ROBO2: variants seen among roughly 807,000 people sequenced by gnomAD.
The protein encoded by ROBO2 is roundabout guidance receptor 2.
A neutral mutation model predicts 160.8 loss-of-function variants in ROBO2; 53 were observed. That is an observed-to-expected ratio of 0.33 (90% CI 0.26 to 0.41). ROBO2 has a LOEUF of 0.41. Among genes scored for constraint, ROBO2 ranks in the 10% least tolerant of loss-of-function variants. The pLI is 1.00. For synonymous variants in ROBO2, 664 were observed against 611.7 expected (o/e 1.09, Z -1.26); for missense variants, 1,577 against 1,722.4 (o/e 0.92, Z 1.49).
chr3:76,942,380 G>C (rs1355178275), intron 2 of ROBO2, among the ~76,000 whole-genome samples: 4 of 152,158 alleles, frequency 2.6e-5, no homozygotes, highest in Non-Finnish European at 5.9e-5. Flanking sequence ...CTCCTTTATT[G>C]TTTTGACTCC....
intron 2 of ROBO2, among the ~76,000 whole-genome samples, chr3:76,578,382 A>G (rs1268972756): frequency 6.6e-6 from 1 of 152,068 alleles, no homozygotes; most frequent in Non-Finnish European, 1.5e-5. Context: ...GAGCTTCCCA[A>G]TAAAATTGTC....
chr3:77,109,097 A>T (rs983778368), intron 2 of ROBO2, among the ~76,000 whole-genome samples: 22 of 151,686 alleles, frequency 1.5e-4, no homozygotes, highest in African/African-American at 4.9e-4. Context: ...TAAAATGTTG[A>T]AAAAAAAGGT....
At chr3:76,640,517 G>A (rs915161378) in intron 2 of ROBO2, among the ~76,000 whole-genome samples, 1 of 151,240 alleles carries the variant, frequency 6.6e-6, no homozygotes, top group Non-Finnish European at 1.5e-5. Context: ...CCTGGGCAAC[G>A]AGTGAAGCTC....
intron 2 of ROBO2, among the ~76,000 whole-genome samples, chr3:76,521,462 TGCGGG>T (rs1350848861): frequency 6.6e-6 from 1 of 152,126 alleles, no homozygotes; most frequent in African/African-American, 2.4e-5. Context: ...ACAGCAGAGA[TGCGGG>T]AGGTAGGGCA....
chr3:76,969,158 ATTCAATAAAGTGGCAGAAAAT>A (rs1311625760), intron 2 of ROBO2, among the ~76,000 whole-genome samples: 1 of 152,246 alleles, frequency 6.6e-6, no homozygotes, highest in Non-Finnish European at 1.5e-5. Flanking sequence ...AAGTGGCAGA[ATTCAATAAAGTGGCAGAAAAT>A]TTCACCTTAT....
At chr3:76,435,306 T>C (rs1030387353) in intron 2 of ROBO2, 12 of 933,322 alleles carry the variant, frequency 1.3e-5, no homozygotes, top group Non-Finnish European at 2.0e-5. Flanking sequence ...CAAATCTTCC[T>C]AGATGAACAC....
At chr3:76,022,965 A>G (rs1223680898) in intron 2 of ROBO2, among the ~76,000 whole-genome samples, 1 of 151,770 alleles carries the variant, frequency 6.6e-6, no homozygotes, top group Non-Finnish European at 1.5e-5. Context: ...TTCATCTATT[A>G]TCTTAGCTAG....
chr3:77,366,009 C>A (rs6548501), intron 2 of ROBO2, among the ~76,000 whole-genome samples: 125,225 of 152,072 alleles, frequency 0.82, 51,797 homozygotes, highest in East Asian at 1. Flanking sequence ...AATTCAGCAT[C>A]AAAAGCAGAT....
exon 7 of ROBO2, chr3:77,546,428 A>G: frequency 6.2e-7 from 1 of 1,613,360 alleles, no homozygotes; most frequent in Non-Finnish European, 8.5e-7. Context: ...GGAAACCCAC[A>G]GCCAGCTGTT....
intron 2 of ROBO2, among the ~76,000 whole-genome samples, chr3:76,284,403 C>T (rs1281204512): frequency 7.1e-6 from 1 of 141,400 alleles, no homozygotes; most frequent in African/African-American, 2.9e-5. Flanking sequence ...GAGTGTGACT[C>T]CTATAAAAAA....
At chr3:76,674,292 A>T (rs1575865940) in intron 2 of ROBO2, among the ~76,000 whole-genome samples, 1 of 152,188 alleles carries the variant, frequency 6.6e-6, no homozygotes, top group East Asian at 1.9e-4. Context: ...CCTTTCTTAA[A>T]ATTGCAGAGC....
chr3:77,205,534 A>C (rs905446363), intron 2 of ROBO2, among the ~76,000 whole-genome samples: 1 of 151,894 alleles, frequency 6.6e-6, no homozygotes, highest in South Asian at 2.1e-4. Flanking sequence ...GCAGGCCAAA[A>C]GGCAACTTTT....
At chr3:77,579,702 G>A (rs1583069245) in intron 15 of ROBO2, among the ~76,000 whole-genome samples, 3 of 152,142 alleles carry the variant, frequency 2.0e-5, no homozygotes, top group African/African-American at 7.2e-5. Flanking sequence ...AGATATAAAT[G>A]AACATGGCAT....
intron 2 of ROBO2, among the ~76,000 whole-genome samples, chr3:76,714,398 G>A (rs2093347850): frequency 6.6e-6 from 1 of 151,988 alleles, no homozygotes; most frequent in Non-Finnish European, 1.5e-5. Flanking sequence ...ATTTACAATT[G>A]GTCTGAACTC....
At chr3:77,416,562 CA>C (rs1219074491) in intron 2 of ROBO2, among the ~76,000 whole-genome samples, 5 of 151,614 alleles carry the variant, frequency 3.3e-5, no homozygotes, top group Non-Finnish European at 7.4e-5. Flanking sequence ...ACTAAAAATA[CA>C]AAAATCAGCC....
intron 2 of ROBO2, among the ~76,000 whole-genome samples, chr3:76,148,844 C>CTGTA: frequency 6.6e-6 from 1 of 152,170 alleles, no homozygotes; most frequent in African/African-American, 2.4e-5. Flanking sequence ...AGCTATATTT[C>CTGTA]TGTAGGGTGC....
intron 2 of ROBO2, among the ~76,000 whole-genome samples, chr3:76,117,622 AT>A (rs1218510108): frequency 6.6e-6 from 1 of 152,100 alleles, no homozygotes; most frequent in Non-Finnish European, 1.5e-5. Context: ...TAGTTGAGGT[AT>A]TTTGTTTTCC....
chr3:76,667,520 T>G (rs1271469289), intron 2 of ROBO2, among the ~76,000 whole-genome samples: 1 of 152,190 alleles, frequency 6.6e-6, no homozygotes, highest in African/African-American at 2.4e-5. Context: ...GTATGTTATT[T>G]AATAATAGAC....
At chr3:77,356,385 A>T (rs2069130357) in intron 2 of ROBO2, among the ~76,000 whole-genome samples, 1 of 152,092 alleles carries the variant, frequency 6.6e-6, no homozygotes. Context: ...GGAAGGAGAG[A>T]CAGAGAGAGA....
Sources: allele counts gnomAD v4.1 joint callset (sites outside exome capture counted in the v4.1 genomes callset), GRCh38; gene constraint gnomAD v4.1.1; transcripts MANE v1.5; gene names NCBI Gene and HGNC (gene_info 2026-07-23, HGNC 2026-07-21).